The following NEGR1 variants were observed in gnomAD, a reference collection of about 807,000 sequenced individuals.
The protein encoded by NEGR1 is IgLON family member 4.
In NEGR1, 10 loss-of-function variants were observed where a neutral mutation model predicts 40.9. The observed-to-expected ratio is 0.24, with a 90% CI of 0.15 to 0.42. NEGR1 has a LOEUF of 0.42. NEGR1 is among the 10% of genes least tolerant of loss of function. The pLI, the probability that NEGR1 is intolerant of heterozygous loss-of-function variation, is 1.00. For synonymous variants in NEGR1, 185 were observed against 166.8 expected (o/e 1.11, Z -0.84); for missense variants, 352 against 438.9 (o/e 0.80, Z 1.77).
intron 4 of NEGR1, among the ~76,000 whole-genome samples, chr1:71,620,913 C>G (rs1298748000): frequency 2.0e-5 from 3 of 151,838 alleles, no homozygotes; most frequent in Admixed American, 2.0e-4. Context: ...GTTTTCTCAC[C>G]TGTAAAATAG....
intron 1 of NEGR1, among the ~76,000 whole-genome samples, chr1:72,177,481 A>T (rs1652216031): frequency 6.6e-6 from 1 of 152,072 alleles, no homozygotes; most frequent in Admixed American, 6.6e-5. Flanking sequence ...TACATTGAAC[A>T]TCATTGTACA....
chr1:72,027,066 C>CGT (rs1202149695), intron 1 of NEGR1, among the ~76,000 whole-genome samples: 1 of 152,112 alleles, frequency 6.6e-6, no homozygotes, highest in Non-Finnish European at 1.5e-5. Flanking sequence ...GGTGGGACTA[C>CGT]AGGTGCCGGT....
At chr1:71,760,956 G>A (rs776524857) in intron 3 of NEGR1, among the ~76,000 whole-genome samples, 14 of 152,072 alleles carry the variant, frequency 9.2e-5, no homozygotes, top group South Asian at 6.2e-4. Context: ...AACTATTTTC[G>A]TAATTAATTT....
chr1:72,189,143 T>C (rs1242178063), intron 1 of NEGR1, among the ~76,000 whole-genome samples: 1 of 151,526 alleles, frequency 6.6e-6, no homozygotes, highest in African/African-American at 2.4e-5. Flanking sequence ...AATTGCACTT[T>C]TGGCACATAA....
chr1:71,866,738 A>G (rs2101828711), intron 2 of NEGR1, among the ~76,000 whole-genome samples: 1 of 152,304 alleles, frequency 6.6e-6, no homozygotes, highest in Middle Eastern at 3.4e-3. Context: ...TAATATTTAT[A>G]AGGGAAAACC....
intron 1 of NEGR1, among the ~76,000 whole-genome samples, chr1:72,164,086 A>G (rs1278854436): frequency 3.3e-5 from 5 of 151,848 alleles, no homozygotes; most frequent in African/African-American, 1.2e-4. Context: ...TTCCATCAGT[A>G]AGTTTTCAGG....
At chr1:71,935,853 C>A (rs907954582) in intron 1 of NEGR1, among the ~76,000 whole-genome samples, 1 of 152,030 alleles carries the variant, frequency 6.6e-6, no homozygotes, top group Admixed American at 6.6e-5. Flanking sequence ...GGCTGGAATG[C>A]GGTGGAAAAA....
chr1:72,017,316 T>A (rs1646720763), intron 1 of NEGR1, among the ~76,000 whole-genome samples: 1 of 152,128 alleles, frequency 6.6e-6, no homozygotes, highest in Admixed American at 6.6e-5. Flanking sequence ...TTCAATATCA[T>A]ATGCTTCTTT....
At chr1:71,748,942 G>C (rs1372594066) in intron 3 of NEGR1, among the ~76,000 whole-genome samples, 1 of 152,032 alleles carries the variant, frequency 6.6e-6, no homozygotes, top group Non-Finnish European at 1.5e-5. Flanking sequence ...TTTCCACAAG[G>C]AGAATGAAGT....
intron 6 of NEGR1, among the ~76,000 whole-genome samples, chr1:71,466,900 A>G (rs1646749679): frequency 1.3e-5 from 2 of 152,128 alleles, no homozygotes; most frequent in African/African-American, 4.8e-5. Context: ...AGTGGTCTAA[A>G]GATTCAGAGA....
intron 3 of NEGR1, among the ~76,000 whole-genome samples, chr1:71,732,128 T>G (rs1654893004): frequency 6.6e-6 from 1 of 151,966 alleles, no homozygotes; most frequent in Non-Finnish European, 1.5e-5. Flanking sequence ...GGCAACATGG[T>G]GAAACACCAT....
intron 1 of NEGR1, among the ~76,000 whole-genome samples, chr1:71,946,706 A>C (rs1034301679): frequency 1.8e-4 from 27 of 152,246 alleles, no homozygotes; most frequent in Admixed American, 1.4e-3. Flanking sequence ...TAGCATTAAA[A>C]TATGTCTTGT....
chr1:71,819,847 A>G (rs1421306621), intron 2 of NEGR1, among the ~76,000 whole-genome samples: 1 of 152,008 alleles, frequency 6.6e-6, no homozygotes, highest in Non-Finnish European at 1.5e-5. Flanking sequence ...TACAGTTGAA[A>G]GACCCTGTAG....
At chr1:71,702,558 G>C (rs1653732075) in intron 3 of NEGR1, among the ~76,000 whole-genome samples, 2 of 151,776 alleles carry the variant, frequency 1.3e-5, no homozygotes, top group Non-Finnish European at 2.9e-5. Flanking sequence ...AATAATGTAA[G>C]TTAAAAAGTA....
intron 4 of NEGR1, among the ~76,000 whole-genome samples, chr1:71,612,956 G>A (rs1445740817): frequency 6.6e-6 from 1 of 152,198 alleles, no homozygotes; most frequent in Non-Finnish European, 1.5e-5. Context: ...ATGGAAGACT[G>A]GGTAGGACCT....
chr1:72,119,845 G>C (rs570555450), intron 1 of NEGR1, among the ~76,000 whole-genome samples: 5 of 152,030 alleles, frequency 3.3e-5, no homozygotes, highest in African/African-American at 1.2e-4. Context: ...TTCAAAGAAG[G>C]CTTCTCATAG....
intron 2 of NEGR1, among the ~76,000 whole-genome samples, chr1:71,933,756 T>G (rs1645876793): frequency 6.6e-6 from 1 of 151,756 alleles, no homozygotes; most frequent in African/African-American, 2.4e-5. Context: ...CAATAATCTG[T>G]AAAAAAAAGA....
At chr1:71,848,623 A>G (rs1382491144) in intron 2 of NEGR1, among the ~76,000 whole-genome samples, 1 of 152,214 alleles carries the variant, frequency 6.6e-6, no homozygotes, top group Non-Finnish European at 1.5e-5. Context: ...GTTCAGAAAT[A>G]AAATTATTTT....
At chr1:72,280,692 G>A (rs1656213108) in intron 1 of NEGR1, among the ~76,000 whole-genome samples, 1 of 152,002 alleles carries the variant, frequency 6.6e-6, no homozygotes, top group Non-Finnish European at 1.5e-5. Flanking sequence ...ATGTATTAGT[G>A]TATATTAAAA....
Sources: gnomAD v4.1 joint callset for allele counts (sites outside exome capture counted in the v4.1 genomes callset) on GRCh38, gnomAD v4.1.1 for gene constraint, MANE v1.5 for transcripts, NCBI Gene and HGNC (gene_info 2026-07-23, HGNC 2026-07-21) for gene names.